The following RNASEH2B variants were observed in gnomAD, a reference collection of about 807,000 sequenced individuals.
The protein encoded by RNASEH2B is ribonuclease H2 subunit B.
RNASEH2B carries 36 observed loss-of-function variants against 45.0 expected under a neutral mutation model. The ratio of observed to expected loss-of-function variants is 0.80; its 90% CI spans 0.61 to 1.06. RNASEH2B has a LOEUF of 1.06. Among genes scored for constraint, RNASEH2B ranks in the 50% least tolerant of loss-of-function variants. RNASEH2B has a pLI of 0.00. For missense variants in RNASEH2B, 361 were observed against 360.3 expected, an observed-to-expected ratio of 1.00 and a Z score of -0.02; for synonymous variants, 119 against 125.7, an observed-to-expected ratio of 0.95 and a Z score of 0.35.
chr13:50,946,050 C>G (rs1951896908), intron 7 of RNASEH2B, among the ~76,000 whole-genome samples: 1 of 152,156 alleles, frequency 6.6e-6, no homozygotes, highest in East Asian at 1.9e-4. Context: ...GCATTTTCTT[C>G]TCAAGATGCA....
intron 4 of RNASEH2B, 190 bp from the exon 5 acceptor site, chr13:50,934,695 C>A: frequency 1.6e-6 from 1 of 612,884 alleles, no homozygotes; most frequent in Middle Eastern, 4.4e-4. Flanking sequence ...CTCCAGTGCT[C>A]ACAGGAGCTT....
At chr13:50,962,534 G>T (rs1351850304) in intron 9 of RNASEH2B, among the ~76,000 whole-genome samples, 1 of 151,972 alleles carries the variant, frequency 6.6e-6, no homozygotes, top group African/African-American at 2.4e-5. Context: ...AATGTCTGTG[G>T]ATCTGTAGTG....
chr13:50,949,296 T>C (rs902684942), intron 8 of RNASEH2B, 167 bp from the exon 9 acceptor site: 1 of 631,882 alleles, frequency 1.6e-6, no homozygotes, highest in Non-Finnish European at 2.8e-6. Flanking sequence ...GACTCATTTA[T>C]TGAGAAAACT....
downstream of RNASEH2B, among the ~76,000 whole-genome samples, chr13:50,960,681 C>G (rs559628185): frequency 6.6e-6 from 1 of 152,288 alleles, no homozygotes; most frequent in South Asian, 2.1e-4. Flanking sequence ...TCCTATCTTT[C>G]TTAACCTTTG....
In RNASEH2B at chr13:50,954,222, A is replaced by G. The variant is rs1952014935; in HGVS notation, c.822+237A>G. Reference sequence around the variant, plus strand: ...TACTACTTATCAAGAGTGTGCCTAAATTTTGCTATGTATTCATAGAGTGAT... The same window carrying G: ...TACTACTTATCAAGAGTGTGCCTAAGTTTTGCTATGTATTCATAGAGTGAT... On this transcript the variant is annotated intron_variant, in intron 10 of 10. Transcript: ENST00000336617. 6.6e-6 allele frequency: 4 copies of G among 607,060 alleles called. No homozygotes were observed. In the East Asian group the frequency reaches 1.1e-4, roughly 17 times the overall value. 37.6% of individuals were successfully genotyped at this position (607,060 alleles called of 1,614,324 possible).
chr13:50,969,005 CA>C (rs1193340097), intron 9 of RNASEH2B, among the ~76,000 whole-genome samples: 4 of 152,106 alleles, frequency 2.6e-5, no homozygotes, highest in African/African-American at 9.7e-5. Context: ...CATAAACAAG[CA>C]AAAGAAGCTA....
At chr13:50,954,296 C>G in intron 10 of RNASEH2B, 2 of 513,502 alleles carry the variant, frequency 3.9e-6, no homozygotes, top group Non-Finnish European at 6.8e-6. Flanking sequence ...TTTGTCAACC[C>G]TGCTGCCCAG....
At chr13:50,965,718 T>C (rs997630508) in intron 9 of RNASEH2B, among the ~76,000 whole-genome samples, 1 of 152,248 alleles carries the variant, frequency 6.6e-6, no homozygotes, top group Non-Finnish European at 1.5e-5. Flanking sequence ...TGTGTGTTAA[T>C]GTTGCTGGTA....
chr13:50,929,423 TTTG>T, intron 2 of RNASEH2B, 49 bp from the exon 3 acceptor site: 1 of 1,102,382 alleles, frequency 9.1e-7, no homozygotes, highest in Non-Finnish European at 1.4e-6. Context: ...TGTGTGTGTG[TTTG>T]TGTGTGTGTG....
At chr13:50,932,944 C>G (rs1297210674) in intron 4 of RNASEH2B, among the ~76,000 whole-genome samples, 1 of 152,210 alleles carries the variant, frequency 6.6e-6, no homozygotes, top group Non-Finnish European at 1.5e-5. Context: ...CCGCCCTTCA[C>G]TGTGAATTAG....
chr13:50,912,569 G>C (rs1009442210), intron 1 of RNASEH2B: 2 of 152,224 alleles, frequency 1.3e-5, no homozygotes, highest in Non-Finnish European at 2.9e-5. Context: ...CATCTTCCCA[G>C]ATGTAGTTGT....
Position 50,956,637 on chromosome 13 carries a change from T to A in RNASEH2B, c.*163T>A. 7.0e-7 allele frequency: 1 copy of A among 1,424,858 alleles called. No homozygotes were observed. The highest frequency in any genetic ancestry group is 1.4e-5 in the South Asian group (1 of 73,766). 88.3% of individuals were successfully genotyped at this position (1,424,858 alleles called of 1,614,324 possible). A position where few individuals can be genotyped will look rare whatever the true frequency, so the allele number is the denominator to read the frequency against. The stretch of plus-strand genomic sequence containing the variant: ...GGTTTTTGTGTTCCTGAACAAAATA[T>A]GGGAAAGTGTCTAACTTCATGGCTA... On this transcript the variant is annotated 3_prime_UTR_variant, in exon 11 of 11. Transcript: ENST00000336617.
intron 5 of RNASEH2B, chr13:50,935,400 G>A (rs1045979212): frequency 3.8e-6 from 1 of 259,930 alleles, no homozygotes; most frequent in Non-Finnish European, 7.6e-6. Flanking sequence ...TTGCACATTA[G>A]TGCTAAGCTC....
chr13:50,951,321 A>G (rs1426661693), intron 9 of RNASEH2B: 1 of 152,192 alleles, frequency 6.6e-6, no homozygotes, highest in Non-Finnish European at 1.5e-5. Context: ...TGATTTTTAC[A>G]GTAATATAGT....
At chr13:50,949,402 T>C (rs1951947282) in intron 8 of RNASEH2B, 61 bp from the exon 9 acceptor site, 8 of 1,510,924 alleles carry the variant, frequency 5.3e-6, no homozygotes, top group Non-Finnish European at 5.5e-6. Flanking sequence ...GTTGGCCCTG[T>C]CTTTCTGTTT....
chr13:50,937,225 T>A (rs1951765767), intron 5 of RNASEH2B: 1 of 152,062 alleles, frequency 6.6e-6, no homozygotes, highest in African/African-American at 2.4e-5. Flanking sequence ...TTTATTTTTT[T>A]ATTTTTATTT....
exon 10 of RNASEH2B, chr13:50,970,055 A>T: frequency 7.8e-7 from 1 of 1,283,842 alleles, no homozygotes; most frequent in Non-Finnish European, 1.1e-6. Context: ...ACTTTTTTGG[A>T]AAATCGCCAG....
In RNASEH2B at chr13:50,929,491, C is replaced by T. The variant is rs772503413; in HGVS notation, c.153C>T (p.Tyr51=). The change falls in exon 3 of 11, where the codon TAC becomes TAT. Residue 51 remains tyrosine (Y), a synonymous_variant. Transcript: ENST00000336617. ...TCTTAACAGGAGAAGGAGCCATTTA[C>T]TTGTTCAATATGTGTCTACAGCAGC... ...VNPCSGEGAI[Y]LFNMCLQQLF... is the part of the protein sequence containing the mutation. 5 of 1,612,626 alleles carry T rather than the reference C, an allele frequency of 3.1e-6. No individual in the cohort carries two copies. In the South Asian group the frequency reaches 5.5e-5, roughly 18 times the overall value.
At position 50,934,880 on chromosome 13, in the gene RNASEH2B, T is replaced by C; in HGVS notation, c.322-5T>C. On this transcript the variant is annotated splice_region_variant and splice_polypyrimidine_tract_variant and intron_variant, in intron 4 of 10. Transcript: ENST00000336617. ...TGCTTGCTTTCCAACTAACTGTTTT[T>C]TCAGGGGAAGTTTCAGCCCCTTGAT... 2 of 1,597,564 alleles carry C rather than the reference T, an allele frequency of 1.3e-6. No individual in the cohort carries two copies. Among genetic ancestry groups the C allele is most frequent in the Non-Finnish European group, 1.7e-6 (2 of 1,165,906 alleles).
Sources: allele counts gnomAD v4.1 joint callset (sites outside exome capture counted in the v4.1 genomes callset), GRCh38; gene constraint gnomAD v4.1.1; transcripts MANE v1.5; gene names NCBI Gene and HGNC (gene_info 2026-07-23, HGNC 2026-07-21).